PRKN: variants seen among roughly 807,000 people sequenced by gnomAD.
PRKN encodes parkin RBR E3 ubiquitin protein ligase, also known as E3 ubiquitin-protein ligase parkin.
PRKN carries 56 observed loss-of-function variants against 59.5 expected under a neutral mutation model. That is an observed-to-expected ratio of 0.94 (90% CI 0.76 to 1.18). The LOEUF (loss-of-function observed/expected upper bound fraction) is 1.18. PRKN is among the 50% of genes most tolerant of loss of function. The pLI is 0.00. For missense variants in PRKN, 657 were observed against 596.4 expected, an observed-to-expected ratio of 1.10 and a Z score of -1.06; for synonymous variants, 250 against 222.1, an observed-to-expected ratio of 1.13 and a Z score of -1.12.
rs1239410249 is a variant in PRKN at position 161,395,555 on chromosome 6, T to C, written c.1084-8678A>G. 6.6e-6 allele frequency among the ~76,000 whole-genome samples: 1 copy of C among 152,218 alleles called. No individual in the cohort carries two copies. Among genetic ancestry groups the C allele is most frequent in the Non-Finnish European group, 1.5e-5 (1 of 68,038 alleles). Reference sequence around the variant, plus strand: ...CCATTTTGATTGCTTTCGCGAGCCTTGTCAGTCACAGGCTTAGCAGCAAGG... The same window carrying C: ...CCATTTTGATTGCTTTCGCGAGCCTCGTCAGTCACAGGCTTAGCAGCAAGG... On this transcript the variant is annotated intron_variant, in intron 9 of 11. Transcript: ENST00000366898. The surrounding 1 kb of genome is among the most constrained non-coding windows in gnomAD (Gnocchi z 5.0).
At chr6:162,316,924 A>G (rs1400684999) in intron 2 of PRKN, among the ~76,000 whole-genome samples, 2 of 152,168 alleles carry the variant, frequency 1.3e-5, no homozygotes. Context: ...CAAAGAATCC[A>G]TATCACTTTT....
chr6:162,569,021 C>T (rs2128208150), intron 1 of PRKN: 2 of 696,430 alleles, frequency 2.9e-6, no homozygotes, highest in East Asian at 2.6e-5. Context: ...AGCTGCAGTC[C>T]CAGATCTCGG....
At chr6:161,723,234 A>T (rs1015748215) in intron 7 of PRKN, among the ~76,000 whole-genome samples, 53 of 151,388 alleles carry the variant, frequency 3.5e-4, no homozygotes, top group African/African-American at 1.3e-3. Flanking sequence ...GCACCACTGC[A>T]CTCCAGCCTG....
At chr6:161,474,355 A>G (rs1443440302) in intron 9 of PRKN, among the ~76,000 whole-genome samples, 1 of 152,110 alleles carries the variant, frequency 6.6e-6, no homozygotes, top group Non-Finnish European at 1.5e-5. Flanking sequence ...CTTGTTTCCT[A>G]TAAGATTGAG....
chr6:162,475,173 A>G (rs2128179872), intron 1 of PRKN, among the ~76,000 whole-genome samples: 1 of 152,342 alleles, frequency 6.6e-6, no homozygotes, highest in East Asian at 1.9e-4. Flanking sequence ...AAATTATTCA[A>G]AAAAACAAAA....
chr6:162,076,548 G>C (rs937763008), intron 4 of PRKN, among the ~76,000 whole-genome samples: 1 of 151,892 alleles, frequency 6.6e-6, no homozygotes, highest in East Asian at 1.9e-4. Context: ...AAATCATTCA[G>C]GCCTGTTTCT....
At chr6:162,527,685 C>T (rs1213510901) in intron 1 of PRKN, among the ~76,000 whole-genome samples, 1 of 152,130 alleles carries the variant, frequency 6.6e-6, no homozygotes, top group Non-Finnish European at 1.5e-5. Flanking sequence ...TTAACAAAGG[C>T]TCAGTACATG....
intron 5 of PRKN, among the ~76,000 whole-genome samples, chr6:162,034,184 TATAGAGAGAG>T (rs1445535469): frequency 6.5e-5 from 8 of 122,822 alleles, no homozygotes; most frequent in African/African-American, 2.3e-4. Context: ...TATATATATA[TATAGAGAGAG>T]AGAGAGAGAG....
At chr6:162,274,572 G>A (rs1780534532) in intron 2 of PRKN, among the ~76,000 whole-genome samples, 2 of 152,026 alleles carry the variant, frequency 1.3e-5, no homozygotes, top group South Asian at 4.2e-4. Context: ...TAGAATATTT[G>A]CAAGGTTGTG....
At chr6:162,426,225 G>C (rs986648275) in intron 2 of PRKN, among the ~76,000 whole-genome samples, 35 of 152,118 alleles carry the variant, frequency 2.3e-4, no homozygotes, top group African/African-American at 7.2e-4. Flanking sequence ...TATTGGTGCA[G>C]GGAAAGACAA....
Position 162,263,410 on chromosome 6 carries a change from G to A in PRKN, c.172-645C>T, listed in dbSNP as rs1280229066. 3.1e-5 allele frequency: 5 copies of A among 163,290 alleles called. No individual in the cohort carries two copies. In the South Asian group the frequency reaches 4.8e-4, roughly 16 times the overall value. The allele number at this position is 163,290 out of a possible 1,614,324, so 10.1% of individuals were successfully genotyped here. ...GTAGGCTCCACACACACCGCTCCAC[G>A]GGCACCAACACACACATCATTACAC... On this transcript the variant is annotated intron_variant, in intron 2 of 11. Transcript: ENST00000366898.
At chr6:162,171,044 C>T (rs1156419417) in intron 4 of PRKN, among the ~76,000 whole-genome samples, 1 of 151,752 alleles carries the variant, frequency 6.6e-6, no homozygotes, top group Non-Finnish European at 1.5e-5. Flanking sequence ...TCATGATATA[C>T]TAAGTATGTT....
intron 1 of PRKN, among the ~76,000 whole-genome samples, chr6:162,653,650 T>A (rs1408983349): frequency 6.6e-6 from 1 of 152,158 alleles, no homozygotes; most frequent in Non-Finnish European, 1.5e-5. Flanking sequence ...GTTATTTAAT[T>A]TTTTTCTGCC....
rs139765245 is a variant in PRKN at position 161,366,780 on chromosome 6, T to C, written c.1168-6575A>G. 3.8e-3 allele frequency among the ~76,000 whole-genome samples: 575 copies of C among 152,208 alleles called. 4 individuals carry two copies. Among genetic ancestry groups the C allele is most frequent in the African/African-American group, 0.013 (553 of 41,546 alleles). On this transcript the variant is annotated intron_variant, in intron 10 of 11. Coordinates refer to ENST00000366898, the MANE Select transcript of PRKN (RefSeq NM_004562.3). ...CTTGTAACCAGCCCGGGTGTTTCTG[T>C]ACCTGACTTCCGATTTCTGTCCATC...
At chr6:162,706,011 G>A (rs544267538) in intron 1 of PRKN, among the ~76,000 whole-genome samples, 2 of 152,108 alleles carry the variant, frequency 1.3e-5, no homozygotes, top group South Asian at 2.1e-4. Flanking sequence ...GCTAATCAAC[G>A]GGAGTCACAC....
rs918794193 is a variant in PRKN, at chr6:162,194,244, G to T, written c.534+6887C>A. 2.6e-5 allele frequency among the ~76,000 whole-genome samples: 4 copies of T among 152,142 alleles called. No individual in the cohort carries two copies. In the East Asian group the frequency reaches 7.7e-4, roughly 29 times the overall value. On this transcript the variant is annotated intron_variant, in intron 4 of 11. Coordinates refer to ENST00000366898, the MANE Select transcript of PRKN (RefSeq NM_004562.3). ...ACAAATTGATCATTCATTAAAATCT[G>T]CTAAGAAATTATTGACCATTTTGAG...
chr6:162,272,553 T>TGC (rs1780441368), intron 2 of PRKN, among the ~76,000 whole-genome samples: 2 of 152,024 alleles, frequency 1.3e-5, no homozygotes, highest in African/African-American at 4.8e-5. Context: ...CTCAGGCACG[T>TGC]CGGGGAGGTC....
At chr6:162,122,084 G>T (rs1780938388) in intron 4 of PRKN, among the ~76,000 whole-genome samples, 1 of 152,176 alleles carries the variant, frequency 6.6e-6, no homozygotes, top group Admixed American at 6.6e-5. Flanking sequence ...GCACTCCATA[G>T]AAATGCTCTC....
chr6:162,433,649 T>C (rs1040652555), intron 2 of PRKN, among the ~76,000 whole-genome samples: 1 of 152,208 alleles, frequency 6.6e-6, no homozygotes, highest in African/African-American at 2.4e-5. Context: ...TCTGAAGTTC[T>C]TAGTGTCCAA....
Sources: allele counts gnomAD v4.1 joint callset (sites outside exome capture counted in the v4.1 genomes callset), GRCh38; gene constraint gnomAD v4.1.1; non-coding constraint Gnocchi (gnomAD v3.1); transcripts MANE v1.5; gene names NCBI Gene and HGNC (gene_info 2026-07-23, HGNC 2026-07-21).